The following MAGI1 variants were observed in gnomAD, a reference collection of about 807,000 sequenced individuals.
MAGI1 encodes the protein membrane associated guanylate kinase, WW and PDZ domain containing 1.
Under a neutral mutation model 139.9 loss-of-function variants are expected in MAGI1, and 58 were observed. That is an observed-to-expected ratio of 0.41 (90% CI 0.34 to 0.52). MAGI1 has a LOEUF of 0.52. Among genes scored for constraint, MAGI1 ranks in the 20% least tolerant of loss-of-function variants. MAGI1 has a pLI of 0.12. For synonymous variants in MAGI1, 812 were observed against 737.9 expected (o/e 1.10, Z -1.63); for missense variants, 1,874 against 1,901.6 (o/e 0.99, Z 0.27).
intron 14 of MAGI1, among the ~76,000 whole-genome samples, chr3:65,387,867 C>A (rs1209547922): frequency 6.6e-6 from 1 of 152,194 alleles, no homozygotes; most frequent in Non-Finnish European, 1.5e-5. Context: ...CTCTCCAAGG[C>A]AGGACAGATT....
rs2065465209 is a variant in MAGI1 at position 65,979,686 on chromosome 3, GAGTCGAT to G, written c.313+58303_313+58309del. On this transcript the variant is annotated intron_variant, in intron 1 of 22. Transcript: ENST00000402939. ...GGGAACCATGTGACACCTCTGCAAA[GAGTCGAT>G]AGGTAGATAAACTTGATGGCTTGCA... Among the ~76,000 whole-genome samples the G allele has an allele frequency of 2.0e-5, 3 of 152,296 alleles. No individual in the cohort carries two copies. The South Asian group carries it at 6.2e-4, about 32-fold the overall frequency.
chr3:66,009,576 G>T (rs943601411), intron 1 of MAGI1, among the ~76,000 whole-genome samples: 1 of 152,044 alleles, frequency 6.6e-6, no homozygotes, highest in East Asian at 1.9e-4. Context: ...CCTACACAAG[G>T]TAAACTTTCC....
intron 2 of MAGI1, among the ~76,000 whole-genome samples, chr3:65,575,174 T>C (rs189299767): frequency 6.6e-6 from 1 of 152,170 alleles, no homozygotes; most frequent in East Asian, 1.9e-4. Context: ...GAAAAAGGTC[T>C]TATATTCAGA....
At chr3:65,757,118 C>A (rs1445293360) in intron 1 of MAGI1, among the ~76,000 whole-genome samples, 1 of 152,096 alleles carries the variant, frequency 6.6e-6, no homozygotes. Flanking sequence ...TGTAGCTTTC[C>A]ATTTGCTACT....
chr3:65,828,874 C>T (rs1458758569), intron 1 of MAGI1, among the ~76,000 whole-genome samples: 1 of 152,190 alleles, frequency 6.6e-6, no homozygotes, highest in Non-Finnish European at 1.5e-5. Context: ...CTCAACCCTG[C>T]TGTGGCTGGC....
Position 65,475,166 on chromosome 3 carries a change from G to T in MAGI1, c.757+3426C>A, listed in dbSNP as rs73115940. Among the ~76,000 whole-genome samples the T allele has an allele frequency of 3.3e-3, 499 of 151,772 alleles. 3 individuals are homozygous for T. Among genetic ancestry groups the T allele is most frequent in the Non-Finnish European group, 5.7e-3 (388 of 67,954 alleles). The stretch of plus-strand genomic sequence containing the variant: ...TTTGATGTCTCTCAGAGGTGTTCAT[G>T]AATGAATCTGTTACTTTTTAGTTGT... On this transcript the variant is annotated intron_variant, in intron 4 of 22. Transcript: ENST00000402939.
intron 1 of MAGI1, among the ~76,000 whole-genome samples, chr3:65,878,435 G>C (rs2060200293): frequency 6.7e-6 from 1 of 149,206 alleles, no homozygotes; most frequent in African/African-American, 2.5e-5. Context: ...CGAATTGCTT[G>C]AACCTGGGAA....
intron 1 of MAGI1, among the ~76,000 whole-genome samples, chr3:65,640,706 CT>C (rs1297071426): frequency 1.3e-5 from 2 of 152,218 alleles, no homozygotes; most frequent in Non-Finnish European, 2.9e-5. Context: ...ATTCTCTTAA[CT>C]TCCTCTCCGA....
At chr3:65,875,759 A>G (rs1416546493) in intron 1 of MAGI1, among the ~76,000 whole-genome samples, 1 of 152,222 alleles carries the variant, frequency 6.6e-6, no homozygotes, top group Non-Finnish European at 1.5e-5. Flanking sequence ...AGAAGAAGAT[A>G]AAGGAATAAT....
chr3:66,017,130 T>C lies in MAGI1; in HGVS notation c.313+20866A>G, dbSNP rs147613182. 3.5e-4 allele frequency among the ~76,000 whole-genome samples: 53 copies of C among 152,354 alleles called. No individual in the cohort carries two copies. The East Asian group carries it at 4.4e-3, about 13-fold the overall frequency. On this transcript the variant is annotated intron_variant, in intron 1 of 22. Coordinates refer to ENST00000402939, the MANE Select transcript of MAGI1 (RefSeq NM_001033057.2). ...AATTAAAATGGTTAATTTTATGTTA[T>C]GTTACGTATATTTTACCACAATTTT...
intron 12 of MAGI1, among the ~76,000 whole-genome samples, chr3:65,422,290 C>T (rs552778154): frequency 6.6e-6 from 1 of 152,176 alleles, no homozygotes; most frequent in African/African-American, 2.4e-5. Context: ...GGCTTTGGAA[C>T]CAACATGATT....
At chr3:65,860,701 G>C (rs2059529613) in intron 1 of MAGI1, among the ~76,000 whole-genome samples, 1 of 152,156 alleles carries the variant, frequency 6.6e-6, no homozygotes, top group Non-Finnish European at 1.5e-5. Flanking sequence ...GATTCCATGG[G>C]GGAGAAAGGC....
At chr3:65,463,171 G>A (rs1238050532) in intron 5 of MAGI1, among the ~76,000 whole-genome samples, 1 of 152,110 alleles carries the variant, frequency 6.6e-6, no homozygotes, top group Non-Finnish European at 1.5e-5. Flanking sequence ...GGGTATCCTT[G>A]TCTTGTGCCA....
At chr3:65,961,742 CCATT>C (rs1170115169) in intron 1 of MAGI1, among the ~76,000 whole-genome samples, 2 of 152,188 alleles carry the variant, frequency 1.3e-5, no homozygotes, top group African/African-American at 2.4e-5. Context: ...AGAACCACAT[CCATT>C]CGTGTCATTT....
intron 1 of MAGI1, among the ~76,000 whole-genome samples, chr3:65,635,477 G>A (rs543166796): frequency 6.6e-5 from 10 of 152,268 alleles, no homozygotes; most frequent in Admixed American, 3.3e-4. Flanking sequence ...TCATAAAGTT[G>A]TCCAAATGGC....
intron 1 of MAGI1, among the ~76,000 whole-genome samples, chr3:65,769,515 G>C (rs889008911): frequency 6.6e-6 from 1 of 151,980 alleles, no homozygotes; most frequent in African/African-American, 2.4e-5. Context: ...TAAAAATAAA[G>C]TTCATCAATA....
At position 65,375,803 on chromosome 3, in the gene MAGI1, A is replaced by G. The variant is rs1942468130; in HGVS notation, c.3138T>C (p.Ile1046=). The change falls in exon 18 of 23, where the codon ATT becomes ATC. Residue 1046 remains isoleucine, a synonymous_variant. Coordinates refer to ENST00000402939, the MANE Select transcript of MAGI1 (RefSeq NM_001033057.2). ...TTCCCGCTTCCTTGATTAGGTTCAC[A>G]ATGTCTGAATGGGATTTGTTGGTGA... The part of the protein sequence containing the change: ...CSITNKSHSD[I]VNLIKEAGNT... The G allele has an allele frequency of 6.2e-7, 1 of 1,613,952 alleles. No individual in the cohort carries two copies. The highest frequency in any genetic ancestry group is 8.5e-7 in the Non-Finnish European group (1 of 1,180,022).
intron 5 of MAGI1, chr3:65,469,874 A>AG (rs1317451817): frequency 6.7e-6 from 1 of 149,072 alleles, no homozygotes; most frequent in Admixed American, 6.7e-5. Flanking sequence ...AGTTCAATTA[A>AG]GAAAAAAAAG....
At chr3:65,837,339 G>A (rs1253324795) in intron 1 of MAGI1, among the ~76,000 whole-genome samples, 3 of 152,146 alleles carry the variant, frequency 2.0e-5, no homozygotes, top group Non-Finnish European at 4.4e-5. Context: ...AACTTCAGCT[G>A]CCACACCTGC....
Sources: allele counts gnomAD v4.1 joint callset (sites outside exome capture counted in the v4.1 genomes callset), GRCh38; gene constraint gnomAD v4.1.1; transcripts MANE v1.5; gene names NCBI Gene and HGNC (gene_info 2026-07-23, HGNC 2026-07-21).